The following COL25A1 variants were observed in gnomAD, a reference collection of about 807,000 sequenced individuals.
COL25A1 encodes collagen type XXV alpha 1 chain.
In COL25A1, 103 loss-of-function variants were observed where a neutral mutation model predicts 128.4. The ratio of observed to expected loss-of-function variants is 0.80; its 90% CI spans 0.68 to 0.94. The LOEUF is 0.94. Ranked by LOEUF, COL25A1 falls within the 40% of genes least tolerant of loss-of-function variation. COL25A1 has a pLI of 0.00. For missense variants in COL25A1, 745 were observed against 840.0 expected, an observed-to-expected ratio of 0.89 and a Z score of 1.40; for synonymous variants, 279 against 277.2, an observed-to-expected ratio of 1.01 and a Z score of -0.06.
In COL25A1 at chr4:109,077,354, G is replaced by A. The variant is rs767870882; in HGVS notation, c.368-27175C>T. ...ACATGGGATAAACTATCAGCTTGTGGAATTTCTTTCAGATCTCTATTTCCA... is the reference window on the plus strand; with the variant it reads ...ACATGGGATAAACTATCAGCTTGTGAAATTTCTTTCAGATCTCTATTTCCA... On this transcript the variant is annotated intron_variant, in intron 3 of 37. Transcript: ENST00000399132. Among the ~76,000 whole-genome samples, 61 of 152,048 alleles carry A rather than the reference G, an allele frequency of 4.0e-4. 2 individuals carry two copies. The highest frequency in any genetic ancestry group is 1.2e-3 in the South Asian group (6 of 4,824).
rs572523501 is a variant in COL25A1 at position 108,903,890 on chromosome 4, C to G, written c.781-2718G>C. Among the ~76,000 whole-genome samples the G allele has an allele frequency of 2.6e-5, 4 of 152,106 alleles. No individual in the cohort carries two copies. In the East Asian group the frequency reaches 5.8e-4, roughly 22 times the overall value. On this transcript the variant is annotated intron_variant, in intron 13 of 37. Transcript: ENST00000399132. ...CTGTTGTTCAGTTTTAAATTTTTCA[C>G]TTGTAAGCTTAAATATTTTCTGATG...
chr4:109,004,276 C>T (rs547476882), intron 6 of COL25A1, among the ~76,000 whole-genome samples: 8 of 152,200 alleles, frequency 5.3e-5, no homozygotes, highest in South Asian at 2.1e-4. Flanking sequence ...TTTAGGAAGA[C>T]GATCAGAACC....
intron 3 of COL25A1, among the ~76,000 whole-genome samples, chr4:109,068,641 T>C (rs899524386): frequency 3.9e-5 from 6 of 152,318 alleles, no homozygotes; most frequent in African/African-American, 1.4e-4. Flanking sequence ...GTTCTGGTGC[T>C]TATAAGCCTG....
At chr4:108,889,367 T>G in intron 17 of COL25A1, 111 bp from the exon 18 acceptor site, 1 of 953,438 alleles carries the variant, frequency 1.0e-6, no homozygotes, top group Non-Finnish European at 1.7e-6. Context: ...TTCAACCACA[T>G]GTCTTTTATT....
chr4:109,006,307 G>A (rs942368327), intron 6 of COL25A1, among the ~76,000 whole-genome samples: 4 of 149,546 alleles, frequency 2.7e-5, no homozygotes, highest in African/African-American at 9.8e-5. Context: ...TCCATCTCAG[G>A]TTCAAGCGGT....
rs536976484 is a variant in COL25A1 at position 109,284,056 on chromosome 4, T to C, written c.367+16527A>G. Among the ~76,000 whole-genome samples, 3 of 152,350 alleles carry C rather than the reference T, an allele frequency of 2.0e-5. No individual in the cohort carries two copies. The East Asian group carries it at 5.8e-4, about 29-fold the overall frequency. ...AACCTACAGTAAATAAATCTGCGTA[T>C]ATGTGTTTAATTTAATGTATCTCTG... On this transcript the variant is annotated intron_variant, in intron 3 of 37. Coordinates refer to ENST00000399132, the MANE Select transcript of COL25A1 (RefSeq NM_198721.4).
At chr4:108,966,588 C>T (rs909155445) in intron 8 of COL25A1, among the ~76,000 whole-genome samples, 1 of 152,096 alleles carries the variant, frequency 6.6e-6, no homozygotes, top group Non-Finnish European at 1.5e-5. Flanking sequence ...GTGGCTCGCA[C>T]CTGTAATCCC....
Position 109,130,854 on chromosome 4 carries a change from A to G in COL25A1, c.368-80675T>C, listed in dbSNP as rs117339226. Among the ~76,000 whole-genome samples the G allele has an allele frequency of 7.1e-3, 1,082 of 152,294 alleles. 46 individuals carry two copies. In the South Asian group the frequency reaches 0.099, roughly 14 times the overall value. Reference sequence around the variant, plus strand: ...TTTCGAACCTGCATTAAAAATACATATTTATTTATATTGCATATTACTAAA... The same window carrying G: ...TTTCGAACCTGCATTAAAAATACATGTTTATTTATATTGCATATTACTAAA... On this transcript the variant is annotated intron_variant, in intron 3 of 37. Transcript: ENST00000399132.
intron 11 of COL25A1, among the ~76,000 whole-genome samples, chr4:108,933,645 C>T (rs1747028655): frequency 6.6e-6 from 1 of 152,224 alleles, no homozygotes; most frequent in East Asian, 1.9e-4. Context: ...AGTAGTACTT[C>T]TCAATTATGG....
intron 6 of COL25A1, among the ~76,000 whole-genome samples, chr4:108,994,155 G>A (rs372447105): frequency 3.3e-5 from 5 of 152,160 alleles, no homozygotes; most frequent in Admixed American, 1.3e-4. Context: ...GAGGGGCATC[G>A]CCTCATCCAG....
intron 5 of COL25A1, among the ~76,000 whole-genome samples, chr4:109,017,210 C>A (rs1757307582): frequency 6.6e-6 from 1 of 152,246 alleles, no homozygotes; most frequent in South Asian, 2.1e-4. Flanking sequence ...GTACCTGGAG[C>A]TGCCTGCCCC....
At chr4:109,203,638 A>G (rs1776748641) in intron 3 of COL25A1, among the ~76,000 whole-genome samples, 1 of 152,074 alleles carries the variant, frequency 6.6e-6, no homozygotes. Context: ...AGGTTGTCTG[A>G]TTTTACCATA....
chr4:108,985,459 G>A (rs1753576787), intron 6 of COL25A1, among the ~76,000 whole-genome samples: 1 of 152,194 alleles, frequency 6.6e-6, no homozygotes, highest in South Asian at 2.1e-4. Context: ...TAGAAAGGAA[G>A]TTGAATTGCA....
At chr4:108,959,386 C>T (rs1299903259) in intron 8 of COL25A1, among the ~76,000 whole-genome samples, 2 of 152,044 alleles carry the variant, frequency 1.3e-5, no homozygotes, top group Admixed American at 6.6e-5. Flanking sequence ...CAGTTTGCAG[C>T]CTCTAATCTG....
chr4:109,001,372 C>CAGGCATCTGAGATCCTGTCAGAT (rs1755352799), intron 6 of COL25A1, among the ~76,000 whole-genome samples: 2 of 24,148 alleles, frequency 8.3e-5, no homozygotes, highest in Admixed American at 5.8e-4. Context: ...TTAAAAGAAA[C>CAGGCATCTGAGATCCTGTCAGAT]AGGCATCTGA....
chr4:109,011,236 G>T (rs999793379), intron 5 of COL25A1, among the ~76,000 whole-genome samples: 14 of 152,182 alleles, frequency 9.2e-5, no homozygotes, highest in Admixed American at 7.9e-4. Flanking sequence ...AATGTGTAGT[G>T]TCATTGTCTC....
chr4:109,135,980 T>G (rs781065658), intron 3 of COL25A1, among the ~76,000 whole-genome samples: 9 of 152,252 alleles, frequency 5.9e-5, no homozygotes, highest in Non-Finnish European at 8.8e-5. Flanking sequence ...ATATACGGCA[T>G]AAGCATCTTG....
chr4:109,068,636 G>C (rs1034758080), intron 3 of COL25A1, among the ~76,000 whole-genome samples: 1 of 152,080 alleles, frequency 6.6e-6, no homozygotes, highest in East Asian at 1.9e-4. Context: ...AATATGTTCT[G>C]GTGCTTATAA....
chr4:108,964,730 G>C (rs1436589042), intron 8 of COL25A1, among the ~76,000 whole-genome samples: 1 of 152,060 alleles, frequency 6.6e-6, no homozygotes, highest in Non-Finnish European at 1.5e-5. Context: ...AAATATTCCT[G>C]GGTTCAATTC....
Sources: gnomAD v4.1 joint callset for allele counts (sites outside exome capture counted in the v4.1 genomes callset) on GRCh38, gnomAD v4.1.1 for gene constraint, MANE v1.5 for transcripts, NCBI Gene and HGNC (gene_info 2026-07-23, HGNC 2026-07-21) for gene names.